ARHGAP30: variants seen among roughly 807,000 people sequenced by gnomAD.
The protein encoded by ARHGAP30 is Rho GTPase activating protein 30, also known as rho GTPase-activating protein 30.
ARHGAP30 carries 23 observed loss-of-function variants against 72.0 expected under a neutral mutation model. The observed-to-expected ratio is 0.32, with a 90% CI of 0.23 to 0.45. ARHGAP30 has a LOEUF of 0.45. Ranked by LOEUF, ARHGAP30 falls within the 20% of genes least tolerant of loss-of-function variation. The probability of loss-of-function intolerance (pLI) is 1.00; values close to 1 mark genes in which losing one functional copy is unlikely to be tolerated. For missense variants in ARHGAP30, 1,319 were observed against 1,383.4 expected (o/e 0.95, Z 0.74); for synonymous variants, 576 against 528.2 (o/e 1.09, Z -1.24).
At chr1:161,055,842 T>TAAAATAAAATAAATA (rs1209243824) in intron 3 of ARHGAP30, among the ~76,000 whole-genome samples, 2 of 31,804 alleles carry the variant, frequency 6.3e-5, no homozygotes, top group Non-Finnish European at 1.8e-4. Flanking sequence ...TAAAATAAAA[T>TAAAATAAAATAAATA]AAATAAAATA....
chr1:161,069,706 A>C lies in ARHGAP30; in HGVS notation c.-82T>G. Reference sequence around the variant, plus strand: ...ACCAGTCCCCCATGGGATCCCAGCCAGCTGCTGGGCTTGGCCCGGCCCCAG... The same window carrying C: ...ACCAGTCCCCCATGGGATCCCAGCCCGCTGCTGGGCTTGGCCCGGCCCCAG... On this transcript the variant is annotated 5_prime_UTR_variant, in exon 1 of 12. Coordinates refer to ENST00000368013, the MANE Select transcript of ARHGAP30 (RefSeq NM_001025598.2). The surrounding 1 kb of genome is among the most constrained non-coding windows in gnomAD (Gnocchi z 4.9). The C allele has an allele frequency of 1.3e-6, 2 of 1,482,176 alleles. No homozygotes were observed. Among genetic ancestry groups the C allele is most frequent in the Non-Finnish European group, 1.9e-6 (2 of 1,077,364 alleles). 91.8% of individuals were successfully genotyped at this position (1,482,176 alleles called of 1,614,324 possible). A position where few individuals can be genotyped will look rare whatever the true frequency, so the allele number is the denominator to read the frequency against.
At chr1:161,061,192 G>C (rs1652286047) in intron 1 of ARHGAP30, among the ~76,000 whole-genome samples, 1 of 151,840 alleles carries the variant, frequency 6.6e-6, no homozygotes, top group Non-Finnish European at 1.5e-5. Context: ...TTTAGATGGA[G>C]TCTCACTCTG....
intron 6 of ARHGAP30, 156 bp downstream of exon 6, chr1:161,053,102 T>C: frequency 1.7e-6 from 2 of 1,151,372 alleles, no homozygotes; most frequent in Non-Finnish European, 2.4e-6. Flanking sequence ...TCTTCTCAAG[T>C]CCTGACTGCA....
intron 9 of ARHGAP30, 82 bp from the exon 10 acceptor site, chr1:161,051,797 C>G: frequency 1.4e-6 from 2 of 1,450,298 alleles, no homozygotes; most frequent in Non-Finnish European, 9.1e-7. Context: ...CTGGAGAATG[C>G]TCTCTGCTTT....
Position 161,053,368 on chromosome 1 carries a change from G to C in ARHGAP30, c.554C>G (p.Ala185Gly). The C allele has an allele frequency of 6.2e-7, 1 of 1,613,640 alleles. No individual in the cohort carries two copies. Among genetic ancestry groups the C allele is most frequent in the Non-Finnish European group, 8.5e-7 (1 of 1,179,934 alleles). Residue 185 changes from alanine to glycine, a missense_variant, in exon 6 of 12, where the codon GCC (alanine) becomes GGC (glycine). Physicochemically the swap from Ala to Gly is moderately conservative, Grantham distance 60. Transcript: ENST00000368013. ...GGCCGCTGTCCCATTGAAGCCTGAG[G>C]CCTCTATGTCCTTAGACCTGTGGAG... is the stretch of plus-strand genomic sequence containing the variant. ...PNLLRSKDIEASGFNGTAAFM... is the reference protein window; with the variant it reads ...PNLLRSKDIEGSGFNGTAAFM...
chr1:161,067,791 T>C (rs1248463558), intron 1 of ARHGAP30, among the ~76,000 whole-genome samples: 1 of 152,104 alleles, frequency 6.6e-6, no homozygotes, highest in Non-Finnish European at 1.5e-5. Flanking sequence ...TCTCATTTTT[T>C]TGTGGATGTT....
At chr1:161,053,473 TCTCTCTCTCTCTCTC>T (rs1651581198) in intron 5 of ARHGAP30, 88 bp from the exon 6 acceptor site, 3 of 945,882 alleles carry the variant, frequency 3.2e-6, no homozygotes, top group African/African-American at 6.1e-5. Context: ...TCTCTCTCTC[TCTCTCTCTCTCTCTC>T]TCTCTCTCTC....
At chr1:161,057,549 G>A (rs1011879500) in intron 2 of ARHGAP30, among the ~76,000 whole-genome samples, 70 of 152,062 alleles carry the variant, frequency 4.6e-4, no homozygotes, top group Middle Eastern at 3.2e-3. Context: ...GAGGTAGGAG[G>A]ATCGCTTGAG....
chr1:161,067,294 C>G (rs980775749), intron 1 of ARHGAP30, among the ~76,000 whole-genome samples: 4 of 152,152 alleles, frequency 2.6e-5, no homozygotes, highest in African/African-American at 9.7e-5. Context: ...AACAATCGGC[C>G]AGGTGCGGTG....
At position 161,069,075 on chromosome 1, in the gene ARHGAP30, C is replaced by G. The variant is rs1652974498; in HGVS notation, c.97+453G>C. On this transcript the variant is annotated intron_variant, in intron 1 of 11. Coordinates refer to ENST00000368013, the MANE Select transcript of ARHGAP30 (RefSeq NM_001025598.2). This position sits in a 1 kb window ranked among gnomAD's most constrained non-coding sequence, Gnocchi z 4.9. ...TGGGTGTTCTCCAGCCAGGAAACCA[C>G]CCGCCTCAAGGGCCATCTTGAGACC... Among the ~76,000 whole-genome samples, 1 of 152,106 alleles carries G rather than the reference C, an allele frequency of 6.6e-6. No homozygotes were observed. Among genetic ancestry groups the G allele is most frequent in the African/African-American group, 2.4e-5 (1 of 41,404 alleles).
At chr1:161,065,909 T>G (rs1037072230) in intron 1 of ARHGAP30, among the ~76,000 whole-genome samples, 5 of 149,882 alleles carry the variant, frequency 3.3e-5, no homozygotes, top group African/African-American at 1.2e-4. Flanking sequence ...ATTTATTTAT[T>G]TATTTGAGAC....
At chr1:161,062,151 A>G (rs1159595604) in intron 1 of ARHGAP30, among the ~76,000 whole-genome samples, 2 of 152,094 alleles carry the variant, frequency 1.3e-5, no homozygotes, top group Admixed American at 1.3e-4. Flanking sequence ...CCACGTAGTT[A>G]TCTTTCCAAA....
At position 161,051,325 on chromosome 1, in the gene ARHGAP30, GGGCCAA is replaced by G; in HGVS notation, c.1403_1408del (p.Leu468_Gly469del). 1 of 1,600,158 alleles carries G rather than the reference GGGCCAA, an allele frequency of 6.2e-7. No individual in the cohort carries two copies. Among genetic ancestry groups the G allele is most frequent in the Non-Finnish European group, 8.5e-7 (1 of 1,172,472 alleles). ...CAATGGGTCCTCACCTGGGGGGCCA[GGGCCAA>G]GGCCAGGGCCAGGGCCAGGGCCAGA... On this transcript the variant is annotated inframe_deletion, in exon 10 of 12. Transcript: ENST00000368013.
chr1:161,048,127 C>T lies in ARHGAP30; in HGVS notation c.2894G>A (p.Cys965Tyr), dbSNP rs776559316. 3 of 1,614,174 alleles carry T rather than the reference C, an allele frequency of 1.9e-6. No homozygotes were observed. The East Asian group carries it at 6.7e-5, about 36-fold the overall frequency. Reference protein sequence around the residue: ...SKIHVAPANPCPRPGRLDGTP... With the variant: ...SKIHVAPANPYPRPGRLDGTP... Reference sequence around the variant, plus strand: ...CCCATCAAGCCGGCCAGGCCTCGGGCATGGATTTGCAGGTGCCACATGAAT... The same window carrying T: ...CCCATCAAGCCGGCCAGGCCTCGGGTATGGATTTGCAGGTGCCACATGAAT... Residue 965 changes from cysteine (C) to tyrosine (Y), a missense_variant, in exon 12 of 12, where the codon TGC becomes TAC. Cys to Tyr is a radical substitution (Grantham distance 194). Around this residue, in one of 2 missense-constraint regions of ARHGAP30, gnomAD observed 1,097 missense variants for 1,045.2 expected, o/e 1.05. Coordinates refer to ENST00000368013, the MANE Select transcript of ARHGAP30 (RefSeq NM_001025598.2).
intron 6 of ARHGAP30, 95 bp downstream of exon 6, chr1:161,053,163 A>G (rs1651544511): frequency 6.5e-7 from 1 of 1,547,632 alleles, no homozygotes; most frequent in Admixed American, 1.8e-5. Flanking sequence ...ACATCCCTGT[A>G]TGAGACTCAG....
chr1:161,049,100 C>G lies in ARHGAP30; in HGVS notation c.1921G>C (p.Gly641Arg). The G allele has an allele frequency of 1.2e-6, 2 of 1,614,182 alleles. No homozygotes were observed. The highest frequency in any genetic ancestry group is 1.7e-6 in the Non-Finnish European group (2 of 1,180,020). Residue 641 changes from glycine (G) to arginine (R), a missense_variant, in exon 12 of 12, where the codon GGA becomes CGA. Around this residue, in one of 2 missense-constraint regions of ARHGAP30, gnomAD observed 1,097 missense variants for 1,045.2 expected, o/e 1.05. Coordinates refer to ENST00000368013, the MANE Select transcript of ARHGAP30 (RefSeq NM_001025598.2). ...GSLEGEAAGC[G>R]RQALGQGGEE... ...CCACCCTGTCCCAGAGCCTGCCTTC[C>G]ACATCCTGCTGCCTCTCCCTCCAGA...
Position 161,048,413 on chromosome 1 carries a change from G to A in ARHGAP30, c.2608C>T (p.Leu870=). The A allele has an allele frequency of 1.2e-6, 2 of 1,614,068 alleles. No individual in the cohort carries two copies. Among genetic ancestry groups the A allele is most frequent in the Non-Finnish European group, 1.7e-6 (2 of 1,180,018 alleles). ...TLSEGSGVAS[L]EVDCAKEGNP... ...CCCTCTTTGGCACAGTCAACCTCCAGGGACGCTACACCTGAACCTTCAGAG... is the reference window on the plus strand; with the variant it reads ...CCCTCTTTGGCACAGTCAACCTCCAAGGACGCTACACCTGAACCTTCAGAG... Residue 870 remains leucine (L), a synonymous_variant, in exon 12 of 12, where the codon CTG becomes TTG. Coordinates refer to ENST00000368013, the MANE Select transcript of ARHGAP30 (RefSeq NM_001025598.2).
At chr1:161,052,024 C>CA (rs1651427656) in intron 9 of ARHGAP30, among the ~76,000 whole-genome samples, 1 of 105,922 alleles carries the variant, frequency 9.4e-6, no homozygotes, top group African/African-American at 3.6e-5. Context: ...ACCACCACCA[C>CA]CACCACCACC....
intron 2 of ARHGAP30, among the ~76,000 whole-genome samples, chr1:161,058,770 A>G (rs1652091928): frequency 6.6e-6 from 1 of 150,876 alleles, no homozygotes. Context: ...CCGAGGCAGG[A>G]GAATCACTTG....
Sources: gnomAD v4.1 joint callset for allele counts (sites outside exome capture counted in the v4.1 genomes callset) on GRCh38, gnomAD v4.1.1 for gene constraint, gnomAD v4.1.1 regional missense constraint, Gnocchi (gnomAD v3.1) non-coding constraint, MANE v1.5 for transcripts, NCBI Gene and HGNC (gene_info 2026-07-23, HGNC 2026-07-21) for gene names.